Variants in TRHDE observed in about 807,000 individuals in gnomAD.
The protein encoded by TRHDE is thyrotropin-releasing hormone-degrading ectoenzyme.
In TRHDE, 72 loss-of-function variants were observed where a neutral mutation model predicts 125.7. The ratio of observed to expected loss-of-function variants is 0.57; its 90% confidence interval spans 0.47 to 0.70. TRHDE has a LOEUF of 0.70. Among genes scored for constraint, TRHDE ranks in the 30% least tolerant of loss-of-function variants. The pLI is 0.00. For synonymous variants in TRHDE, 509 were observed against 509.1 expected, an observed-to-expected ratio of 1.00 and a Z score of 0.00; for missense variants, 1,110 against 1,327.1, an observed-to-expected ratio of 0.84 and a Z score of 2.54.
chr12:72,206,317 T>A (rs1180101517), intron 2 of TRHDE, among the ~76,000 whole-genome samples: 1 of 152,174 alleles, frequency 6.6e-6, no homozygotes, highest in Non-Finnish European at 1.5e-5. Flanking sequence ...GGTATTGAAC[T>A]CCTGACCTCA....
intron 6 of TRHDE, among the ~76,000 whole-genome samples, chr12:72,508,472 G>C (rs1396537241): frequency 6.6e-6 from 1 of 152,170 alleles, no homozygotes; most frequent in Non-Finnish European, 1.5e-5. Flanking sequence ...GCCCTGCTGG[G>C]TTTCAGACTT....
intron 1 of TRHDE, among the ~76,000 whole-genome samples, chr12:72,283,406 A>G (rs1879766778): frequency 6.6e-6 from 1 of 152,176 alleles, no homozygotes; most frequent in Non-Finnish European, 1.5e-5. Flanking sequence ...TTTTCTAAAT[A>G]CTGAATTGAA....
chr12:72,457,982 G>A (rs1186591274), intron 3 of TRHDE, among the ~76,000 whole-genome samples: 1 of 152,100 alleles, frequency 6.6e-6, no homozygotes, highest in African/African-American at 2.4e-5. Flanking sequence ...TTGATTTCCA[G>A]CTACCTCAGA....
Position 72,518,805 on chromosome 12 carries a change from A to G in TRHDE, c.1722+19170A>G, listed in dbSNP as rs962522074. ...GTACTGGTCGTTCCTTTCCATGTTT[A>G]GTGCTTCCTTCAGGAGCTCTTTTAG... On this transcript the variant is annotated intron_variant, in intron 6 of 18. Coordinates refer to ENST00000261180, the MANE Select transcript of TRHDE (RefSeq NM_013381.3). Among the ~76,000 whole-genome samples the G allele has an allele frequency of 1.4e-4, 21 of 152,238 alleles. No homozygotes were observed. The South Asian group carries it at 3.5e-3, about 26-fold the overall frequency.
At chr12:72,209,707 G>T (rs1176750704) in intron 2 of TRHDE, among the ~76,000 whole-genome samples, 3 of 152,128 alleles carry the variant, frequency 2.0e-5, no homozygotes, top group East Asian at 3.9e-4. Flanking sequence ...GATTCAACTT[G>T]GTAAGAGGTG....
chr12:72,112,175 C>A (rs896120956), intron 2 of TRHDE, among the ~76,000 whole-genome samples: 9 of 152,048 alleles, frequency 5.9e-5, no homozygotes, highest in Non-Finnish European at 1.2e-4. Flanking sequence ...TTTAAAATAC[C>A]TTTGAAATAT....
At chr12:72,538,474 AAAC>A (rs1228890569) in intron 6 of TRHDE, among the ~76,000 whole-genome samples, 2 of 152,048 alleles carry the variant, frequency 1.3e-5, no homozygotes, top group African/African-American at 4.8e-5. Flanking sequence ...AAAACAGAAT[AAAC>A]AAATAGAAAA....
intron 6 of TRHDE, among the ~76,000 whole-genome samples, chr12:72,504,775 T>C (rs182037027): frequency 6.6e-6 from 1 of 152,324 alleles, no homozygotes; most frequent in Admixed American, 6.5e-5. Context: ...AGTTGTATAA[T>C]GTATCACTTA....
rs779539892 is a variant in TRHDE at position 72,657,033 on chromosome 12, A to G, written c.3066+25A>G. On this transcript the variant is annotated intron_variant, in intron 18 of 18. Coordinates refer to ENST00000261180, the MANE Select transcript of TRHDE (RefSeq NM_013381.3). ...GGTAAATATTTTAAGATGAAGTCTA[A>G]TTATTTTCTTTTATAAACATTTGAA... is the stretch of plus-strand genomic sequence containing the variant. 5 of 1,399,574 alleles carry G rather than the reference A, an allele frequency of 3.6e-6. No individual in the cohort carries two copies. The East Asian group carries it at 1.1e-4, about 32-fold the overall frequency. 86.7% of individuals were successfully genotyped at this position (1,399,574 alleles called of 1,614,324 possible).
intron 1 of TRHDE, among the ~76,000 whole-genome samples, chr12:72,091,004 G>A (rs541371949): frequency 6.6e-6 from 1 of 152,096 alleles, no homozygotes; most frequent in Admixed American, 6.6e-5. Context: ...TGAGTAGCTG[G>A]AACTAGAGGC....
At chr12:72,319,934 G>A (rs116709437) in intron 2 of TRHDE, among the ~76,000 whole-genome samples, 1,846 of 152,128 alleles carry the variant, frequency 0.012, 36 homozygotes, top group African/African-American at 0.042. Context: ...GAAGCTCAGA[G>A]TAAAATATAT....
chr12:72,405,718 G>A (rs958318978), intron 3 of TRHDE, among the ~76,000 whole-genome samples: 10 of 152,104 alleles, frequency 6.6e-5, no homozygotes, highest in South Asian at 2.1e-4. Flanking sequence ...TGATATTTCC[G>A]AAAGGGAAAA....
intron 3 of TRHDE, among the ~76,000 whole-genome samples, chr12:72,429,359 A>AATG (rs1874336242): frequency 6.7e-6 from 1 of 149,378 alleles, no homozygotes; most frequent in Non-Finnish European, 1.5e-5. Flanking sequence ...TAATAATAAT[A>AATG]ATAATAATAA....
At chr12:72,246,320 T>C (rs546657249) in intron 2 of TRHDE, among the ~76,000 whole-genome samples, 2 of 152,204 alleles carry the variant, frequency 1.3e-5, no homozygotes, top group Non-Finnish European at 2.9e-5. Context: ...ATTTTCCATC[T>C]CTGACTTCTG....
intron 2 of TRHDE, among the ~76,000 whole-genome samples, chr12:72,148,608 C>T (rs1876282743): frequency 6.6e-6 from 1 of 152,160 alleles, no homozygotes; most frequent in African/African-American, 2.4e-5. Context: ...TATTCATAGC[C>T]TCTGATCCTG....
At chr12:72,364,509 G>A (rs1019439498) in intron 2 of TRHDE, among the ~76,000 whole-genome samples, 1 of 151,910 alleles carries the variant, frequency 6.6e-6, no homozygotes, top group African/African-American at 2.4e-5. Context: ...CTACTTGTTT[G>A]GTTCACTCTA....
At chr12:72,266,644 C>T (rs1177407288) in intron 2 of TRHDE, among the ~76,000 whole-genome samples, 1 of 151,764 alleles carries the variant, frequency 6.6e-6, no homozygotes, top group Non-Finnish European at 1.5e-5. Flanking sequence ...TGCTATATCC[C>T]TAGCACAGTG....
chr12:72,280,658 T>A lies in TRHDE; in HGVS notation c.915-6023T>A, dbSNP rs545966675. The stretch of plus-strand genomic sequence containing the variant: ...GAGAGGGTTGAGGGAGCAGAAAGAC[T>A]GAGGGAAACAAGAGAAACACACAAG... On this transcript the variant is annotated intron_variant, in intron 1 of 18. Transcript: ENST00000261180. Among the ~76,000 whole-genome samples the A allele has an allele frequency of 1.1e-3, 164 of 152,244 alleles. 2 individuals are homozygous for A. The highest frequency in any genetic ancestry group is 9.9e-3 in the Admixed American group (151 of 15,282).
At chr12:72,629,276 T>G (rs1490599634) in intron 15 of TRHDE, among the ~76,000 whole-genome samples, 1 of 151,838 alleles carries the variant, frequency 6.6e-6, no homozygotes, top group African/African-American at 2.4e-5. Flanking sequence ...TAGAGGCACA[T>G]AGTCAATAGT....
Sources: gnomAD v4.1 joint callset for allele counts (sites outside exome capture counted in the v4.1 genomes callset) on GRCh38, gnomAD v4.1.1 for gene constraint, MANE v1.5 for transcripts, NCBI Gene and HGNC (gene_info 2026-07-23, HGNC 2026-07-21) for gene names.